Variants in KLHL29 observed in about 807,000 individuals in gnomAD.
KLHL29 encodes the protein kelch-like protein 29.
KLHL29 carries 21 observed loss-of-function variants against 80.4 expected under a neutral mutation model. The observed-to-expected ratio is 0.26, with a 90% CI of 0.19 to 0.38. The LOEUF (loss-of-function observed/expected upper bound fraction) is 0.38, where lower values mean the gene tolerates loss of function less well. KLHL29 is among the 10% of genes least tolerant of loss of function. KLHL29 has a pLI of 1.00. For synonymous variants in KLHL29, 511 were observed against 526.8 expected (o/e 0.97, Z 0.41); for missense variants, 867 against 1,223.9 (o/e 0.71, Z 4.35).
At chr2:23,565,731 C>G (rs1558390694) in intron 3 of KLHL29, among the ~76,000 whole-genome samples, 1 of 152,178 alleles carries the variant, frequency 6.6e-6, no homozygotes, top group Non-Finnish European at 1.5e-5. Context: ...CCGAGCTCAC[C>G]AGAGTGTGGG....
At chr2:23,619,535 G>A (rs540368052) in intron 3 of KLHL29, among the ~76,000 whole-genome samples, 30 of 152,300 alleles carry the variant, frequency 2.0e-4, no homozygotes, top group African/African-American at 7.0e-4. Context: ...CAGGGCAGCC[G>A]AAGCAGGCTG....
chr2:23,631,956 T>TCCCCAGAGTGAGGTCCATGGAGTA (rs1284142809), intron 3 of KLHL29, among the ~76,000 whole-genome samples: 1 of 152,126 alleles, frequency 6.6e-6, no homozygotes, highest in African/African-American at 2.4e-5. Flanking sequence ...CTTTCATTGA[T>TCCCCAGAGTGAGGTCCATGGAGTA]CCCCAGAGTG....
chr2:23,515,958 A>G (rs1024635336), intron 2 of KLHL29, among the ~76,000 whole-genome samples: 3 of 152,240 alleles, frequency 2.0e-5, no homozygotes, highest in Non-Finnish European at 4.4e-5. Flanking sequence ...CTAGTCACGC[A>G]TGCTTTATTA....
rs888322571 is a variant in KLHL29, at chr2:23,499,986, G to A, written c.-46+24319G>A. Among the ~76,000 whole-genome samples the A allele has an allele frequency of 2.0e-5, 3 of 152,306 alleles. No homozygotes were observed. In the South Asian group the frequency reaches 6.2e-4, roughly 32 times the overall value. ...ATTTGCTTTGGTTTTAGCGTTGTGA[G>A]GATAATTAATTTACGTATGACCCTC... On this transcript the variant is annotated intron_variant, in intron 2 of 13. Transcript: ENST00000486442.
intron 1 of KLHL29, among the ~76,000 whole-genome samples, chr2:23,469,439 C>T (rs1164749397): frequency 1.1e-4 from 17 of 152,208 alleles, no homozygotes; most frequent in Non-Finnish European, 1.5e-5. Context: ...AGAGAAGATG[C>T]AGGAGCACGC....
At chr2:23,588,581 C>T (rs1668175088) in intron 3 of KLHL29, among the ~76,000 whole-genome samples, 1 of 152,238 alleles carries the variant, frequency 6.6e-6, no homozygotes. Context: ...AGACTGTGGT[C>T]TGAGGCCTCC....
intron 1 of KLHL29, among the ~76,000 whole-genome samples, chr2:23,420,302 T>C (rs1662761780): frequency 6.6e-6 from 1 of 152,192 alleles, no homozygotes; most frequent in Non-Finnish European, 1.5e-5. Flanking sequence ...CCTTGCTGCG[T>C]CCACACCGAT....
At position 23,466,533 on chromosome 2, in the gene KLHL29, C is replaced by A. The variant is rs528406814; in HGVS notation, c.-153-9027C>A. On this transcript the variant is annotated intron_variant, in intron 1 of 13. Coordinates refer to ENST00000486442, the MANE Select transcript of KLHL29 (RefSeq NM_052920.2). ...GCTAAATATGACCGTGGGAGAGAAG[C>A]AGTGAATGGTGTAGGTTCAGAAAGG... 3.9e-5 allele frequency among the ~76,000 whole-genome samples: 6 copies of A among 152,234 alleles called. No homozygotes were observed. The South Asian group carries it at 1.2e-3, about 32-fold the overall frequency.
intron 2 of KLHL29, among the ~76,000 whole-genome samples, chr2:23,504,608 A>T (rs1419007762): frequency 1.3e-5 from 2 of 152,148 alleles, no homozygotes; most frequent in African/African-American, 2.4e-5. Context: ...CCTGAAAGGG[A>T]GTCATGGCTC....
intron 2 of KLHL29, among the ~76,000 whole-genome samples, chr2:23,529,590 C>A (rs1239015617): frequency 1.3e-5 from 2 of 152,110 alleles, no homozygotes; most frequent in African/African-American, 4.8e-5. Context: ...CCCGCCCCCA[C>A]CAAAGCACAG....
chr2:23,546,861 A>C (rs756733012), intron 2 of KLHL29, among the ~76,000 whole-genome samples: 1 of 152,182 alleles, frequency 6.6e-6, no homozygotes, highest in Non-Finnish European at 1.5e-5. Context: ...TGCAGTGGAG[A>C]GCGAGGGTTG....
chr2:23,646,614 C>G (rs1160161778), intron 5 of KLHL29, among the ~76,000 whole-genome samples: 1 of 152,166 alleles, frequency 6.6e-6, no homozygotes, highest in Non-Finnish European at 1.5e-5. Context: ...CTTGTCCTCC[C>G]TTCTGGGAGG....
At chr2:23,578,430 A>G (rs1156314279) in intron 3 of KLHL29, among the ~76,000 whole-genome samples, 1 of 152,230 alleles carries the variant, frequency 6.6e-6, no homozygotes, top group Non-Finnish European at 1.5e-5. Flanking sequence ...GAATAATACT[A>G]TCCATTTCAT....
intron 2 of KLHL29, among the ~76,000 whole-genome samples, chr2:23,489,947 C>T (rs1665047580): frequency 6.6e-6 from 1 of 152,124 alleles, no homozygotes; most frequent in Non-Finnish European, 1.5e-5. Context: ...TCCACATTTG[C>T]GTTTGAAAAA....
intron 2 of KLHL29, among the ~76,000 whole-genome samples, chr2:23,501,888 C>T (rs1255909529): frequency 6.6e-6 from 1 of 152,154 alleles, no homozygotes. Context: ...TGCCCCTTCC[C>T]AGGCATCCCC....
At chr2:23,534,516 G>A (rs1666603739) in intron 2 of KLHL29, among the ~76,000 whole-genome samples, 1 of 145,506 alleles carries the variant, frequency 6.9e-6, no homozygotes, top group Non-Finnish European at 1.5e-5. Context: ...CTTCCTGTTT[G>A]GCCTTAGCCA....
chr2:23,651,167 G>A (rs1036192513), intron 5 of KLHL29, among the ~76,000 whole-genome samples: 1 of 152,112 alleles, frequency 6.6e-6, no homozygotes, highest in African/African-American at 2.4e-5. Flanking sequence ...GTCATTGCCT[G>A]TTTTCTTCAT....
In KLHL29 at chr2:23,562,247, C is replaced by G. The variant is rs749560581; in HGVS notation, c.51C>G (p.Asp17Glu). ...RFERDYRVGW[D>E]RREWSVNGTH... ...AAAGAGATTACCGGGTGGGCTGGGA[C>G]CGCCGCGAATGGAGCGTCAACGGGA... is the stretch of plus-strand genomic sequence containing the variant. Residue 17 changes from aspartate (D) to glutamate (E), a missense_variant, in exon 3 of 14, where the codon GAC becomes GAG. Physicochemically the swap from Asp to Glu is conservative, Grantham distance 45 (BLOSUM62 2). This residue lies in a region of KLHL29 where 424 missense variants were observed against 456.9 expected (regional missense o/e 0.93). Transcript: ENST00000486442. The surrounding 1 kb of genome is among the most constrained non-coding windows in gnomAD (Gnocchi z 4.5). 1 of 1,550,500 alleles carries G rather than the reference C, an allele frequency of 6.4e-7. No individual in the cohort carries two copies. The highest frequency in any genetic ancestry group is 1.2e-5 in the South Asian group (1 of 84,030).
At chr2:23,573,802 G>A (rs562603300) in intron 3 of KLHL29, among the ~76,000 whole-genome samples, 5 of 152,196 alleles carry the variant, frequency 3.3e-5, no homozygotes, top group Admixed American at 6.5e-5. Flanking sequence ...CTTGGGGACC[G>A]TTGGGCCTTA....
Sources: gnomAD v4.1 joint callset for allele counts (sites outside exome capture counted in the v4.1 genomes callset) on GRCh38, gnomAD v4.1.1 for gene constraint, gnomAD v4.1.1 regional missense constraint, Gnocchi (gnomAD v3.1) non-coding constraint, MANE v1.5 for transcripts, NCBI Gene and HGNC (gene_info 2026-07-23, HGNC 2026-07-21) for gene names.